The following SEMA3A variants were observed in gnomAD, a reference collection of about 807,000 sequenced individuals.
SEMA3A encodes the protein semaphorin 3A, also known as semaphorin-3A.
SEMA3A carries 29 observed loss-of-function variants against 97.9 expected under a neutral mutation model. That is an observed-to-expected ratio of 0.30 (90% CI 0.22 to 0.40). SEMA3A has a LOEUF of 0.40. Among genes scored for constraint, SEMA3A ranks in the 10% least tolerant of loss-of-function variants. The pLI is 1.00. For missense variants in SEMA3A, 763 were observed against 951.3 expected (o/e 0.80, Z 2.60); for synonymous variants, 321 against 323.7 (o/e 0.99, Z 0.09).
chr7:84,269,901 A>G (rs1273631480), intron 3 of SEMA3A, among the ~76,000 whole-genome samples: 1 of 152,130 alleles, frequency 6.6e-6, no homozygotes, highest in Non-Finnish European at 1.5e-5. Flanking sequence ...TAGAACAAAA[A>G]GTAATTACTT....
At position 84,066,562 on chromosome 7, in the gene SEMA3A, C is replaced by A. The variant is rs954867718; in HGVS notation, c.454-6004G>T. Among the ~76,000 whole-genome samples, 13 of 150,234 alleles carry A rather than the reference C, an allele frequency of 8.7e-5. 1 individual carries two copies. The highest frequency in any genetic ancestry group is 3.2e-4 in the African/African-American group (13 of 40,270). On this transcript the variant is annotated intron_variant, in intron 4 of 16. Transcript: ENST00000265362. ...AAAATCTCCTTAAGCTGATAAGCAA[C>A]TTCAGCAAAGTCTCAGGATACAAAA...
intron 1 of SEMA3A, among the ~76,000 whole-genome samples, chr7:84,382,675 T>C (rs1479562703): frequency 7.8e-6 from 1 of 127,700 alleles, no homozygotes; most frequent in Non-Finnish European, 1.6e-5. Context: ...TTGCTAACAC[T>C]GTGAAACCCT....
intron 2 of SEMA3A, among the ~76,000 whole-genome samples, chr7:84,363,303 C>T (rs914167096): frequency 6.6e-6 from 1 of 151,878 alleles, no homozygotes; most frequent in Non-Finnish European, 1.5e-5. Context: ...GAAAACAGTT[C>T]AGTGATCTAA....
intron 6 of SEMA3A, among the ~76,000 whole-genome samples, chr7:84,040,282 C>A (rs1792089984): frequency 6.8e-6 from 1 of 146,850 alleles, no homozygotes; most frequent in Admixed American, 6.8e-5. Context: ...GGCATTGCTT[C>A]CCATCATTCA....
intron 1 of SEMA3A, among the ~76,000 whole-genome samples, chr7:84,391,253 CTA>C (rs1177032999): frequency 3.9e-5 from 6 of 152,066 alleles, no homozygotes; most frequent in Admixed American, 3.9e-4. Context: ...TTGATGTTGG[CTA>C]TAGATACAAG....
intron 10 of SEMA3A, among the ~76,000 whole-genome samples, chr7:84,006,544 T>C (rs1346375949): frequency 2.0e-5 from 3 of 152,194 alleles, no homozygotes; most frequent in East Asian, 3.9e-4. Flanking sequence ...AAACACTCCA[T>C]GTAAGACAAT....
At chr7:84,401,601 T>A (rs1803906383) in intron 1 of SEMA3A, among the ~76,000 whole-genome samples, 1 of 151,916 alleles carries the variant, frequency 6.6e-6, no homozygotes. Context: ...TCACCTGACT[T>A]CAGAATATAC....
intron 4 of SEMA3A, among the ~76,000 whole-genome samples, chr7:84,075,388 A>C (rs1356261617): frequency 6.7e-6 from 1 of 148,220 alleles, no homozygotes; most frequent in Non-Finnish European, 1.5e-5. Flanking sequence ...TGAACTCCTG[A>C]CCTCAGGTGA....
chr7:84,132,662 GTTTTTTTTT>G (rs55830654), intron 2 of SEMA3A, among the ~76,000 whole-genome samples: 1 of 86,630 alleles, frequency 1.2e-5, no homozygotes, highest in Non-Finnish European at 2.2e-5. Flanking sequence ...TCGACTTGGT[GTTTTTTTTT>G]TTTTTTTTTT....
At chr7:84,140,260 G>T (rs1421580913) in intron 1 of SEMA3A, among the ~76,000 whole-genome samples, 1 of 152,022 alleles carries the variant, frequency 6.6e-6, no homozygotes, top group Non-Finnish European at 1.5e-5. Context: ...TACAAAGATG[G>T]TTACATTATA....
chr7:84,115,586 T>C (rs1795399247), intron 3 of SEMA3A, among the ~76,000 whole-genome samples: 1 of 152,160 alleles, frequency 6.6e-6, no homozygotes, highest in South Asian at 2.1e-4. Flanking sequence ...TTTTTAGGCT[T>C]ATGTTTTCTT....
chr7:83,992,233 C>G (rs933345484), intron 12 of SEMA3A, among the ~76,000 whole-genome samples: 2 of 150,744 alleles, frequency 1.3e-5, no homozygotes, highest in African/African-American at 2.5e-5. Context: ...GTCTTGCTAG[C>G]GGTCTATCAA....
chr7:84,090,196 G>T (rs1030808347), intron 4 of SEMA3A, among the ~76,000 whole-genome samples: 6 of 152,082 alleles, frequency 3.9e-5, no homozygotes, highest in Admixed American at 6.5e-5. Context: ...GTTTGATTTG[G>T]AAAGAAGTTG....
rs375589796 is a variant in SEMA3A at position 84,414,576 on chromosome 7, T to C, written c.-245-42676A>G. 6.6e-5 allele frequency among the ~76,000 whole-genome samples: 10 copies of C among 152,208 alleles called. 2 individuals carry two copies. Among genetic ancestry groups the C allele is most frequent in the Admixed American group, 6.6e-5 (1 of 15,266 alleles). On this transcript the variant is annotated intron_variant, in intron 1 of 3. Transcript: ENST00000424555. The stretch of plus-strand genomic sequence containing the variant: ...AAATGGTCATTATGTGATTCTAGTA[T>C]AATAGGAAGTACACAACATCACGTG...
At chr7:84,009,917 A>C (rs868042365) in intron 9 of SEMA3A, among the ~76,000 whole-genome samples, 4 of 149,428 alleles carry the variant, frequency 2.7e-5, no homozygotes, top group African/African-American at 1.0e-4. Context: ...AAAAAAAAAA[A>C]AAAAAAAAAA....
At chr7:84,487,654 C>T (rs1423956947) in intron 1 of SEMA3A, among the ~76,000 whole-genome samples, 1 of 152,020 alleles carries the variant, frequency 6.6e-6, no homozygotes, top group Non-Finnish European at 1.5e-5. Context: ...ACCTGTGGAT[C>T]TCTTTGACTA....
At chr7:84,066,888 C>G (rs540513714) in intron 4 of SEMA3A, among the ~76,000 whole-genome samples, 5 of 152,116 alleles carry the variant, frequency 3.3e-5, no homozygotes, top group Non-Finnish European at 5.9e-5. Flanking sequence ...GTCAAGCTAC[C>G]AATGCCTTTC....
At chr7:84,422,914 C>T (rs1350006801) in intron 1 of SEMA3A, among the ~76,000 whole-genome samples, 3 of 152,022 alleles carry the variant, frequency 2.0e-5, no homozygotes, top group African/African-American at 7.2e-5. Flanking sequence ...CATGCAAACT[C>T]AGTTTAATTC....
At chr7:84,209,122 C>T (rs928027702) in intron 3 of SEMA3A, among the ~76,000 whole-genome samples, 2 of 152,188 alleles carry the variant, frequency 1.3e-5, no homozygotes, top group Non-Finnish European at 2.9e-5. Flanking sequence ...TTCATACTTT[C>T]ATTTTGTTAC....
Sources: gnomAD v4.1 joint callset for allele counts (sites outside exome capture counted in the v4.1 genomes callset) on GRCh38, gnomAD v4.1.1 for gene constraint, MANE v1.5 for transcripts, NCBI Gene and HGNC (gene_info 2026-07-23, HGNC 2026-07-21) for gene names.